Variants in SCN10A observed in about 807,000 individuals in gnomAD.
SCN10A encodes the protein sodium channel protein type 10 subunit alpha.
SCN10A carries 162 observed loss-of-function variants against 170.7 expected under a neutral mutation model. The observed-to-expected ratio is 0.95, with a 90% confidence interval of 0.84 to 1.08. The LOEUF (loss-of-function observed/expected upper bound fraction) is 1.08, where lower values mean the gene tolerates loss of function less well. Ranked by LOEUF, SCN10A falls within the 50% of genes least tolerant of loss-of-function variation. The pLI is 0.00. For synonymous variants in SCN10A, 985 were observed against 904.6 expected, an observed-to-expected ratio of 1.09 and a Z score of -1.59; for missense variants, 2,527 against 2,436.9, an observed-to-expected ratio of 1.04 and a Z score of -0.78.
At chr3:38,734,009 T>A (rs1233007240) in intron 15 of SCN10A, among the ~76,000 whole-genome samples, 1 of 151,702 alleles carries the variant, frequency 6.6e-6, no homozygotes, top group African/African-American at 2.4e-5. Context: ...CATTAACCAC[T>A]GCCCCTGGCC....
At chr3:38,797,787 A>G (rs1369050612) in intron 1 of SCN10A, among the ~76,000 whole-genome samples, 1 of 152,236 alleles carries the variant, frequency 6.6e-6, no homozygotes, top group Non-Finnish European at 1.5e-5. Flanking sequence ...TGAGAACAGG[A>G]CTAAGCCAGA....
At chr3:38,709,345 G>T in intron 25 of SCN10A, 133 bp downstream of exon 25, 1 of 882,496 alleles carries the variant, frequency 1.1e-6, no homozygotes, top group South Asian at 2.0e-5. Flanking sequence ...ACAGGGCAAG[G>T]GTTAGCACTG....
At chr3:38,810,408 C>G (rs1054069429) in intron 1 of SCN10A, among the ~76,000 whole-genome samples, 1 of 152,120 alleles carries the variant, frequency 6.6e-6, no homozygotes, top group Non-Finnish European at 1.5e-5. Flanking sequence ...AGGAATCTGT[C>G]TTTTGTTCAC....
chr3:38,722,116 G>T, intron 20 of SCN10A, 142 bp downstream of exon 20: 1 of 809,796 alleles, frequency 1.2e-6, no homozygotes. Context: ...CTCGCCCTGG[G>T]CTGCAGCTCT....
chr3:38,739,529 G>A lies in SCN10A; in HGVS notation c.2266C>T (p.Arg756Trp), dbSNP rs374341474. The A allele has an allele frequency of 4.7e-5, 76 of 1,613,618 alleles. No individual in the cohort carries two copies. Among genetic ancestry groups the A allele is most frequent in the African/African-American group, 2.3e-4 (17 of 74,910 alleles). ...VAKKGSLSVL[R>W]SFRLLRVFKL... The stretch of plus-strand genomic sequence containing the variant: ...AAAAACATTACCAAGCGGAAGCTCC[G>A]CAGCACAGACAGGCTTCCCTTCTTG... Residue 756 changes from arginine to tryptophan, a missense_variant, in exon 15 of 28, where the codon CGG (arginine) becomes TGG (tryptophan). Coordinates refer to ENST00000449082, the MANE Select transcript of SCN10A (RefSeq NM_006514.4).
At chr3:38,732,150 T>A (rs773407415) in intron 15 of SCN10A, among the ~76,000 whole-genome samples, 2 of 152,184 alleles carry the variant, frequency 1.3e-5, no homozygotes, top group Non-Finnish European at 2.9e-5. Context: ...AAGAGACTGG[T>A]CATATAGTCT....
At chr3:38,754,475 G>A (rs756383690) in intron 11 of SCN10A, among the ~76,000 whole-genome samples, 13 of 152,188 alleles carry the variant, frequency 8.5e-5, no homozygotes, top group Admixed American at 2.6e-4. Flanking sequence ...AGCATCACTG[G>A]AGAGACAAGC....
chr3:38,772,910 G>GT (rs1366977432), intron 4 of SCN10A, among the ~76,000 whole-genome samples: 1 of 152,146 alleles, frequency 6.6e-6, no homozygotes, highest in Non-Finnish European at 1.5e-5. Context: ...TGTAAATAAA[G>GT]TTTTGGAAAT....
At chr3:38,773,784 A>G (rs1452104755) in intron 4 of SCN10A, among the ~76,000 whole-genome samples, 1 of 152,242 alleles carries the variant, frequency 6.6e-6, no homozygotes, top group East Asian at 1.9e-4. Context: ...GAAGATTACA[A>G]TATAACTGTA....
intron 11 of SCN10A, among the ~76,000 whole-genome samples, chr3:38,755,534 C>A (rs1208225637): frequency 2.6e-5 from 4 of 152,118 alleles, no homozygotes; most frequent in Admixed American, 2.6e-4. Flanking sequence ...TTGGACTCCC[C>A]TTTCCTTTTT....
chr3:38,728,605 T>G lies in SCN10A; in HGVS notation c.2577A>C (p.Glu859Asp), dbSNP rs2063481465. 1 of 1,612,010 alleles carries G rather than the reference T, an allele frequency of 6.2e-7. No individual in the cohort carries two copies. The highest frequency in any genetic ancestry group is 1.3e-5 in the African/African-American group (1 of 74,994). The change falls in exon 16 of 28, where the codon GAA becomes GAC. Residue 859 changes from glutamate to aspartate, a missense_variant. Physicochemically the swap from Glu to Asp is conservative, Grantham distance 45 (BLOSUM62 2). Transcript: ENST00000449082. The stretch of plus-strand genomic sequence containing the variant: ...TGAGGCATATGGATTTTTGGCCAAC[T>G]TCCATGCAGGCCCACATGTTCTCAA... ...EWIENMWACMEVGQKSICLIL... is the reference protein window; with the variant it reads ...EWIENMWACMDVGQKSICLIL...
At chr3:38,814,067 G>T (rs892697784) in intron 1 of SCN10A, among the ~76,000 whole-genome samples, 1 of 152,150 alleles carries the variant, frequency 6.6e-6, no homozygotes, top group African/African-American at 2.4e-5. Context: ...TCTAAAATGA[G>T]ACATGCACCA....
intron 20 of SCN10A, among the ~76,000 whole-genome samples, chr3:38,720,147 C>T (rs987024758): frequency 7.9e-5 from 12 of 152,152 alleles, no homozygotes; most frequent in South Asian, 2.1e-4. Context: ...TCTCAGCTTC[C>T]GATTCTGTGT....
chr3:38,769,822 T>C (rs2063978445), intron 5 of SCN10A, among the ~76,000 whole-genome samples: 1 of 152,110 alleles, frequency 6.6e-6, no homozygotes, highest in Non-Finnish European at 1.5e-5. Context: ...CAGTGATCGT[T>C]ATTGTTCTTC....
chr3:38,719,270 A>T (rs2063363575), intron 20 of SCN10A, among the ~76,000 whole-genome samples: 1 of 152,194 alleles, frequency 6.6e-6, no homozygotes, highest in East Asian at 1.9e-4. Context: ...AGGAAATTCA[A>T]ATTAAAAGAA....
intron 11 of SCN10A, 42 bp from the exon 12 acceptor site, chr3:38,752,554 C>T: frequency 2.7e-6 from 4 of 1,483,468 alleles, no homozygotes; most frequent in Non-Finnish European, 3.6e-6. Flanking sequence ...GGAAACTGGT[C>T]CTCTGGGAAA....
At chr3:38,780,737 A>G (rs1034647935) in intron 4 of SCN10A, among the ~76,000 whole-genome samples, 1 of 152,068 alleles carries the variant, frequency 6.6e-6, no homozygotes, top group Non-Finnish European at 1.5e-5. Context: ...AGCAAATTCG[A>G]GCGATTTTCT....
intron 4 of SCN10A, among the ~76,000 whole-genome samples, chr3:38,779,879 T>C (rs538750257): frequency 1.8e-3 from 278 of 152,094 alleles, no homozygotes; most frequent in Non-Finnish European, 3.1e-3. Context: ...GAATGTTTTC[T>C]ATATTATTTC....
chr3:38,738,989 G>A (rs763674067), intron 15 of SCN10A, among the ~76,000 whole-genome samples: 10 of 152,158 alleles, frequency 6.6e-5, no homozygotes, highest in Non-Finnish European at 1.2e-4. Flanking sequence ...AAGGAGCTGG[G>A]GCTCTGGAGT....
Sources: gnomAD v4.1 joint callset for allele counts (sites outside exome capture counted in the v4.1 genomes callset) on GRCh38, gnomAD v4.1.1 for gene constraint, MANE v1.5 for transcripts, NCBI Gene and HGNC (gene_info 2026-07-23, HGNC 2026-07-21) for gene names.